Variants in SLC12A7 observed in about 807,000 individuals in gnomAD.
SLC12A7 encodes the protein solute carrier family 12 member 7.
A neutral mutation model predicts 120.6 loss-of-function variants in SLC12A7; 100 were observed. That is an observed-to-expected ratio of 0.83 (90% CI 0.71 to 0.98). The LOEUF (loss-of-function observed/expected upper bound fraction) is 0.98, where lower values mean the gene tolerates loss of function less well. SLC12A7 is among the 50% of genes least tolerant of loss of function. SLC12A7 has a pLI of 0.00. For synonymous variants in SLC12A7, 760 were observed against 678.0 expected (o/e 1.12, Z -1.88); for missense variants, 1,373 against 1,548.1 (o/e 0.89, Z 1.90).
At chr5:1,078,663 C>CTACA in intron 11 of SLC12A7, 38 bp downstream of exon 11, 1 of 1,556,864 alleles carries the variant, frequency 6.4e-7, no homozygotes, top group African/African-American at 1.4e-5. Flanking sequence ...CCCTTGAAGA[C>CTACA]TACAGGCTTT....
the SLC12A7 span, among the ~76,000 whole-genome samples, chr5:1,155,696 G>A: frequency 6.6e-6 from 1 of 151,100 alleles, no homozygotes; most frequent in Non-Finnish European, 1.5e-5. Context: ...GCTCGCGGCA[G>A]TAGAGCAGAA....
At chr5:1,085,661 A>G (rs961959218) in intron 6 of SLC12A7, among the ~76,000 whole-genome samples, 188 bp from the exon 7 acceptor site, 15 of 135,028 alleles carry the variant, frequency 1.1e-4, no homozygotes, top group African/African-American at 3.0e-4. Context: ...CGCGGGGGTC[A>G]GCGCACAGGC....
At chr5:1,088,226 G>A (rs367574479) in intron 5 of SLC12A7, 80 bp downstream of exon 5, 83 of 1,445,238 alleles carry the variant, frequency 5.7e-5, no homozygotes, top group South Asian at 7.4e-5. Context: ...CTCGCCAAGC[G>A]GCCTCCTCGC....
At chr5:1,124,824 A>G in the SLC12A7 span, among the ~76,000 whole-genome samples, 2 of 152,166 alleles carry the variant, frequency 1.3e-5, no homozygotes, top group East Asian at 1.9e-4. Flanking sequence ...AAAATAATCA[A>G]AAGAAAAGAC....
the SLC12A7 span, among the ~76,000 whole-genome samples, chr5:1,122,016 C>A: frequency 3.9e-5 from 6 of 152,286 alleles, no homozygotes; most frequent in Admixed American, 2.6e-4. Flanking sequence ...CGGGGCTCTG[C>A]CTACTCCCAG....
upstream of SLC12A7, among the ~76,000 whole-genome samples, chr5:1,114,339 A>C (rs923294293): frequency 1.3e-5 from 2 of 152,032 alleles, no homozygotes; most frequent in African/African-American, 4.8e-5. Flanking sequence ...TTTGCATTCT[A>C]ATCAGGTGAG....
Position 1,085,296 on chromosome 5 carries a change from C to T in SLC12A7, c.853G>A (p.Val285Met), listed in dbSNP as rs747293398. 72 of 1,612,398 alleles carry T rather than the reference C, an allele frequency of 4.5e-5. No homozygotes were observed. In the Middle Eastern group the frequency reaches 9.9e-4, roughly 22 times the overall value. The change falls in exon 7 of 24, where the codon GTG (valine) becomes ATG (methionine). Residue 285 changes from valine (V) to methionine (M), a missense_variant. Physicochemically the swap from Val to Met is conservative, Grantham distance 21. Coordinates refer to ENST00000264930, the MANE Select transcript of SLC12A7 (RefSeq NM_006598.3). Reference protein sequence around the residue: ...KLALVFLACVVLSILAIYAGV... With the variant: ...KLALVFLACVMLSILAIYAGV... Reference sequence around the variant, plus strand: ...GCATAGATGGCCAGGATGGACAGCACGACGCAGGCCAGGAAGACCAGCGCC... The same window carrying T: ...GCATAGATGGCCAGGATGGACAGCATGACGCAGGCCAGGAAGACCAGCGCC...
rs150610986 is a variant in SLC12A7 at position 1,085,394 on chromosome 5, C to T, written c.755G>A (p.Arg252His). Reference sequence around the variant, plus strand: ...CACGAGCGTGCACGTGCCGTACACACGCATGTTGTGCAGCATGGCGGCCGC... The same window carrying T: ...CACGAGCGTGCACGTGCCGTACACATGCATGTTGTGCAGCATGGCGGCCGC... The part of the protein sequence containing the change: ...GEAAAMLHNM[R>H]VYGTCTLVLM... Residue 252 changes from arginine (R) to histidine (H), a missense_variant, in exon 7 of 24, where the codon CGT (arginine) becomes CAT (histidine). By Grantham distance (29) the Arg-to-His change is conservative. Transcript: ENST00000264930. 1.7e-5 allele frequency: 27 copies of T among 1,611,602 alleles called. No homozygotes were observed. The highest frequency in any genetic ancestry group is 9.3e-5 in the African/African-American group (7 of 74,924).
intron 1 of SLC12A7, among the ~76,000 whole-genome samples, chr5:1,102,646 CAG>C (rs1418759229): frequency 6.6e-6 from 1 of 152,210 alleles, no homozygotes; most frequent in East Asian, 1.9e-4. Flanking sequence ...CCTGTGCACA[CAG>C]AGAGGCGCCG....
Position 1,065,368 on chromosome 5 carries a change from GC to G in SLC12A7, c.2351del (p.Gly784AlafsTer3), listed in dbSNP as rs776025566. 9 of 1,612,198 alleles carry G rather than the reference GC, an allele frequency of 5.6e-6. No homozygotes were observed. The highest frequency in any genetic ancestry group is 7.6e-6 in the Non-Finnish European group (9 of 1,179,390). On this transcript the variant is annotated frameshift_variant, in exon 18 of 24. Coordinates refer to ENST00000264930, the MANE Select transcript of SLC12A7 (RefSeq NM_006598.3). LOFTEE classifies it high-confidence loss of function. The stretch of plus-strand genomic sequence containing the variant: ...TGAGCACCGTGTTGTGCTTCAGGCC[GC>G]CCAGGCCGGCCGACTGGATCAGGTG... ...MSHLIQSAGLGGLKHNTVLMA... is the reference protein window; with the variant it reads ...MSHLIQSAGLXGLKHNTVLMA...
chr5:1,118,087 A>G, the SLC12A7 span, among the ~76,000 whole-genome samples: 1 of 152,154 alleles, frequency 6.6e-6, no homozygotes, highest in African/African-American at 2.4e-5. Context: ...AAAAAAGAAA[A>G]AAAGAACTGA....
chr5:1,055,559 G>A (rs1161244283), intron 22 of SLC12A7, among the ~76,000 whole-genome samples: 3 of 152,110 alleles, frequency 2.0e-5, no homozygotes, highest in South Asian at 2.1e-4. Flanking sequence ...CCAGACGCAC[G>A]CCACACATGA....
At chr5:1,109,608 G>T (rs753343899) in intron 1 of SLC12A7, among the ~76,000 whole-genome samples, 7 of 152,198 alleles carry the variant, frequency 4.6e-5, no homozygotes, top group Non-Finnish European at 5.9e-5. Flanking sequence ...CTGGGCAGAC[G>T]CGGCCTTGCT....
chr5:1,152,655 G>A, the SLC12A7 span, among the ~76,000 whole-genome samples: 5 of 152,142 alleles, frequency 3.3e-5, no homozygotes, highest in Admixed American at 6.5e-5. Context: ...AGAGAAGGGC[G>A]ACTCCCTTAC....
intron 17 of SLC12A7, among the ~76,000 whole-genome samples, chr5:1,066,927 C>T (rs1378809024): frequency 6.6e-6 from 1 of 152,186 alleles, no homozygotes; most frequent in Non-Finnish European, 1.5e-5. Flanking sequence ...CCCATCACAG[C>T]AGCCCCGGGC....
Position 1,099,519 on chromosome 5 carries a change from C to T in SLC12A7, c.125-5271G>A, listed in dbSNP as rs906520976. 2.7e-4 allele frequency among the ~76,000 whole-genome samples: 41 copies of T among 151,552 alleles called. 1 individual carries two copies. The highest frequency in any genetic ancestry group is 9.5e-4 in the African/African-American group (39 of 40,938). ...TCCGGGGGACGGCAGGCATCCTCAGCGGGTCAGAGGATTGATCCCAGTTCC... is the reference window on the plus strand; with the variant it reads ...TCCGGGGGACGGCAGGCATCCTCAGTGGGTCAGAGGATTGATCCCAGTTCC... On this transcript the variant is annotated intron_variant, in intron 1 of 23. Transcript: ENST00000264930.
rs749285491 is a variant in SLC12A7, at chr5:1,053,377, A to G, written c.3132T>C (p.Pro1044=). The G allele has an allele frequency of 2.5e-6, 4 of 1,613,710 alleles. No individual in the cohort carries two copies. The highest frequency in any genetic ancestry group is 3.4e-6 in the Non-Finnish European group (4 of 1,179,980). Residue 1044 remains proline, a synonymous_variant, in exon 23 of 24, where the codon CCT becomes CCC. Coordinates refer to ENST00000264930, the MANE Select transcript of SLC12A7 (RefSeq NM_006598.3). The part of the protein sequence containing the change: ...AQLVLLNMPG[P]PKNRQGDENY... ...TCTCGTCTCCCTGCCGGTTTTTGGG[A>G]GGACCTGGCATGTTGAGCAGGACCA...
Position 1,073,885 on chromosome 5 carries a change from G to A in SLC12A7, c.2073-84C>T, listed in dbSNP as rs552118868. The A allele has an allele frequency of 3.3e-4, 418 of 1,263,468 alleles. 1 individual carries two copies. The African/African-American group carries it at 5.2e-3, about 16-fold the overall frequency. The allele number at this position is 1,263,468 out of a possible 1,614,324, so 78.3% of individuals were successfully genotyped here. Reference sequence around the variant, plus strand: ...AACAGGCAGGGCAGATGGGACGGGCGGGGCACACGACACAGGTGGGACGGG... The same window carrying A: ...AACAGGCAGGGCAGATGGGACGGGCAGGGCACACGACACAGGTGGGACGGG... On this transcript the variant is annotated intron_variant, in intron 16 of 23. Transcript: ENST00000264930.
rs766442139 is a variant in SLC12A7, at chr5:1,073,745, C to T, written c.2129G>A (p.Arg710His). The part of the protein sequence containing the change: ...LDAEQAVKHP[R>H]LLSFTSQLKA... Reference sequence around the variant, plus strand: ...CAGCTGCGACGTGAAGGACAGCAGGCGGGGGTGCTTCACGGCCTGCTCCGC... The same window carrying T: ...CAGCTGCGACGTGAAGGACAGCAGGTGGGGGTGCTTCACGGCCTGCTCCGC... Residue 710 changes from arginine (R) to histidine (H), a missense_variant, in exon 17 of 24, where the codon CGC becomes CAC. Physicochemically the swap from Arg to His is conservative, Grantham distance 29. Coordinates refer to ENST00000264930, the MANE Select transcript of SLC12A7 (RefSeq NM_006598.3). The T allele has an allele frequency of 1.3e-5, 20 of 1,562,140 alleles. No homozygotes were observed. Among genetic ancestry groups the T allele is most frequent in the African/African-American group, 8.3e-5 (6 of 72,404 alleles).
Sources: gnomAD v4.1 joint callset for allele counts (sites outside exome capture counted in the v4.1 genomes callset) on GRCh38, gnomAD v4.1.1 for gene constraint, MANE v1.5 for transcripts, NCBI Gene and HGNC (gene_info 2026-07-23, HGNC 2026-07-21) for gene names.